The following APBA1 variants were observed in gnomAD, a reference collection of about 807,000 sequenced individuals.
APBA1 encodes the protein amyloid-beta A4 precursor protein-binding family A member 1.
Under a neutral mutation model 86.6 loss-of-function variants are expected in APBA1, and 55 were observed. The ratio of observed to expected loss-of-function variants is 0.64; its 90% confidence interval spans 0.51 to 0.80. The LOEUF is 0.80. Ranked by LOEUF, APBA1 falls within the 30% of genes least tolerant of loss-of-function variation. The probability of loss-of-function intolerance (pLI) is 0.00; values close to 1 mark genes in which losing one functional copy is unlikely to be tolerated. For synonymous variants in APBA1, 511 were observed against 493.9 expected (o/e 1.03, Z -0.46); for missense variants, 1,090 against 1,183.0 (o/e 0.92, Z 1.15).
chr9:69,530,319 T>TACACAC (rs1439668114), intron 1 of APBA1, among the ~76,000 whole-genome samples: 11 of 140,638 alleles, frequency 7.8e-5, no homozygotes, highest in African/African-American at 2.7e-4. Context: ...TATATATATA[T>TACACAC]ATATATATAT....
intron 1 of APBA1, among the ~76,000 whole-genome samples, chr9:69,545,415 A>G (rs1392838836): frequency 6.6e-6 from 1 of 152,168 alleles, no homozygotes; most frequent in African/African-American, 2.4e-5. Context: ...AATTCTTTAT[A>G]TCTTGTCCCC....
intron 2 of APBA1, among the ~76,000 whole-genome samples, chr9:69,482,419 T>C (rs1394046810): frequency 6.6e-6 from 1 of 151,216 alleles, no homozygotes; most frequent in Non-Finnish European, 1.5e-5. Context: ...AAAACCACAA[T>C]GAGATACCAT....
At chr9:69,444,117 T>G (rs1283845614) in intron 10 of APBA1, among the ~76,000 whole-genome samples, 6 of 152,242 alleles carry the variant, frequency 3.9e-5, no homozygotes. Context: ...CTCTGCTTTC[T>G]GCAGGACTTG....
chr9:69,554,441 C>T (rs1385842418), intron 1 of APBA1, among the ~76,000 whole-genome samples: 1 of 152,190 alleles, frequency 6.6e-6, no homozygotes, highest in Non-Finnish European at 1.5e-5. Context: ...ATATTCTATA[C>T]TTGAAGAAGT....
chr9:69,460,253 C>T (rs1835168474), intron 5 of APBA1, among the ~76,000 whole-genome samples: 1 of 152,180 alleles, frequency 6.6e-6, no homozygotes. Flanking sequence ...TACTGGTCGC[C>T]ATGAGTTCAC....
At chr9:69,482,973 G>T (rs1380595349) in intron 2 of APBA1, among the ~76,000 whole-genome samples, 1 of 109,796 alleles carries the variant, frequency 9.1e-6, no homozygotes, top group Non-Finnish European at 1.8e-5. Context: ...CTGTTGTGGG[G>T]TGGGGGGAGG....
At chr9:69,582,373 C>T (rs774921616) in intron 1 of APBA1, among the ~76,000 whole-genome samples, 59 of 152,140 alleles carry the variant, frequency 3.9e-4, no homozygotes, top group Non-Finnish European at 7.5e-4. Context: ...TACTGCGGGA[C>T]GGGTCGCTTT....
At chr9:69,490,675 G>A (rs1835694001) in intron 2 of APBA1, among the ~76,000 whole-genome samples, 1 of 152,002 alleles carries the variant, frequency 6.6e-6, no homozygotes, top group Non-Finnish European at 1.5e-5. Context: ...GCAACCTACA[G>A]AATGGGAGAA....
chr9:69,526,745 G>T (rs1836349052), intron 1 of APBA1, among the ~76,000 whole-genome samples: 2 of 151,988 alleles, frequency 1.3e-5, no homozygotes, highest in African/African-American at 4.8e-5. Context: ...GTAGAATATT[G>T]TTCTACCAAA....
intron 11 of APBA1, among the ~76,000 whole-genome samples, chr9:69,436,046 C>T (rs1441013415): frequency 6.6e-6 from 1 of 151,388 alleles, no homozygotes; most frequent in Non-Finnish European, 1.5e-5. Flanking sequence ...ATCCTTTCCC[C>T]CATTGCTTGT....
intron 8 of APBA1, among the ~76,000 whole-genome samples, chr9:69,455,464 G>C (rs1016560196): frequency 5.3e-5 from 8 of 152,160 alleles, no homozygotes; most frequent in Non-Finnish European, 7.3e-5. Flanking sequence ...CTCACTAGCA[G>C]CTTGGGTTAC....
rs566692637 is a variant in APBA1 at position 69,630,677 on chromosome 9, C to T, written c.-70+41476G>A. ...TCAGGCTCTCTGCTCCTCTGGCACACGGCTCTCTTTCTAGAAACACTCCCC... is the reference window on the plus strand; with the variant it reads ...TCAGGCTCTCTGCTCCTCTGGCACATGGCTCTCTTTCTAGAAACACTCCCC... On this transcript the variant is annotated intron_variant, in intron 1 of 12. Coordinates refer to ENST00000265381, the MANE Select transcript of APBA1 (RefSeq NM_001163.4). Among the ~76,000 whole-genome samples the T allele has an allele frequency of 2.4e-4, 36 of 152,300 alleles. 1 individual carries two copies. In the South Asian group the frequency reaches 2.9e-3, roughly 12 times the overall value.
At chr9:69,657,351 T>G (rs1823633435) in intron 1 of APBA1, among the ~76,000 whole-genome samples, 1 of 152,246 alleles carries the variant, frequency 6.6e-6, no homozygotes, top group Non-Finnish European at 1.5e-5. Context: ...CAAATAGTGT[T>G]TTCTGAGCCT....
rs1237573458 is a variant in APBA1, at chr9:69,516,611, C to G, written c.600G>C (p.Glu200Asp). 1.9e-6 allele frequency: 3 copies of G among 1,606,356 alleles called. No homozygotes were observed. In the African/African-American group the frequency reaches 4.0e-5, roughly 21 times the overall value. Residue 200 changes from glutamate (E) to aspartate (D), a missense_variant, in exon 2 of 13, where the codon GAG becomes GAC. Coordinates refer to ENST00000265381, the MANE Select transcript of APBA1 (RefSeq NM_001163.4). This position sits in a 1 kb window ranked among gnomAD's most constrained non-coding sequence, Gnocchi z 7.3. Reference protein sequence around the residue: ...YGGLQEHVYEEIGDAPELDAR... With the variant: ...YGGLQEHVYEDIGDAPELDAR... ...CGTCCAGCTCGGGCGCGTCCCCTAT[C>G]TCCTCGTACACGTGCTCCTGGAGGC...
At chr9:69,441,396 AG>A (rs1252534290) in intron 10 of APBA1, among the ~76,000 whole-genome samples, 1 of 152,220 alleles carries the variant, frequency 6.6e-6, no homozygotes, top group Non-Finnish European at 1.5e-5. Context: ...GCTGGGTTCA[AG>A]GGATCTGATC....
chr9:69,432,734 G>C, intron 11 of APBA1, 58 bp from the exon 12 acceptor site: 1 of 1,400,432 alleles, frequency 7.1e-7, no homozygotes, highest in Non-Finnish European at 9.3e-7. Flanking sequence ...GGGCTGGAAG[G>C]CCGTCTTTCC....
intron 1 of APBA1, among the ~76,000 whole-genome samples, chr9:69,624,935 T>G (rs1018367733): frequency 6.6e-6 from 1 of 152,196 alleles, no homozygotes; most frequent in Non-Finnish European, 1.5e-5. Context: ...ATGACCAGCC[T>G]TTGTTACAGA....
intron 1 of APBA1, among the ~76,000 whole-genome samples, chr9:69,658,294 TTCTCTCTCTC>T (rs774468066): frequency 1.6e-4 from 7 of 44,514 alleles, no homozygotes; most frequent in African/African-American, 5.1e-4. Flanking sequence ...CTCTCTCTCT[TTCTCTCTCTC>T]TCTTTCTTTC....
rs541974691 is a variant in APBA1, at chr9:69,505,229, C to G, written c.1200+10782G>C. Among the ~76,000 whole-genome samples, 4 of 152,212 alleles carry G rather than the reference C, an allele frequency of 2.6e-5. 1 individual carries two copies. In the East Asian group the frequency reaches 7.7e-4, roughly 29 times the overall value. ...GTTTCAGGAGACCTGTGCTGACAGG[C>G]GCACAGCCATCTTGTGAGGCTGCTC... On this transcript the variant is annotated intron_variant, in intron 2 of 12. Transcript: ENST00000265381.
Sources: gnomAD v4.1 joint callset for allele counts (sites outside exome capture counted in the v4.1 genomes callset) on GRCh38, gnomAD v4.1.1 for gene constraint, Gnocchi (gnomAD v3.1) non-coding constraint, MANE v1.5 for transcripts, NCBI Gene and HGNC (gene_info 2026-07-23, HGNC 2026-07-21) for gene names.